Variants in SCHIP1 observed in about 807,000 individuals in gnomAD.
SCHIP1 encodes schwannomin-interacting protein 1.
SCHIP1 carries 8 observed loss-of-function variants against 29.7 expected under a neutral mutation model. That is an observed-to-expected ratio of 0.27 (90% CI 0.16 to 0.49). The LOEUF is 0.49. SCHIP1 is among the 20% of genes least tolerant of loss of function. SCHIP1 has a pLI of 0.99. For synonymous variants in SCHIP1, 76 were observed against 94.9 expected (o/e 0.80, Z 1.16); for missense variants, 193 against 294.6 (o/e 0.66, Z 2.52).
the SCHIP1 span, among the ~76,000 whole-genome samples, chr3:159,319,951 C>T: frequency 6.6e-6 from 1 of 152,112 alleles, no homozygotes. Flanking sequence ...TTGCTTGGTG[C>T]TATGCTCAAA....
At chr3:159,374,077 G>A in the SCHIP1 span, among the ~76,000 whole-genome samples, 1 of 151,976 alleles carries the variant, frequency 6.6e-6, no homozygotes, top group African/African-American at 2.4e-5. Flanking sequence ...AAATATCACG[G>A]ATCCATGAAT....
the SCHIP1 span, among the ~76,000 whole-genome samples, chr3:159,687,977 C>A: frequency 6.6e-6 from 1 of 152,340 alleles, no homozygotes; most frequent in East Asian, 1.9e-4. Context: ...ATATGTGCCA[C>A]ATTTTCTTTA....
chr3:159,825,223 T>C, the SCHIP1 span, among the ~76,000 whole-genome samples: 17 of 152,198 alleles, frequency 1.1e-4, no homozygotes, highest in Non-Finnish European at 2.4e-4. Flanking sequence ...TCTTAACTAA[T>C]TTTTATTAAA....
the SCHIP1 span, among the ~76,000 whole-genome samples, chr3:159,780,449 G>A: frequency 3.3e-5 from 5 of 152,190 alleles, no homozygotes; most frequent in Admixed American, 3.3e-4. Context: ...TTCAAACCAT[G>A]ACAGTTGAAG....
the SCHIP1 span, among the ~76,000 whole-genome samples, chr3:159,374,542 A>G: frequency 6.6e-6 from 1 of 152,178 alleles, no homozygotes; most frequent in Non-Finnish European, 1.5e-5. Flanking sequence ...TAAGGTTATT[A>G]GTCATACTGT....
chr3:159,452,889 A>G, the SCHIP1 span, among the ~76,000 whole-genome samples: 1 of 152,238 alleles, frequency 6.6e-6, no homozygotes, highest in East Asian at 1.9e-4. Flanking sequence ...TTTTAAATGC[A>G]AAAAGAAAGT....
chr3:159,803,905 T>C, the SCHIP1 span, among the ~76,000 whole-genome samples: 1 of 147,516 alleles, frequency 6.8e-6, no homozygotes, highest in African/African-American at 2.6e-5. Flanking sequence ...CCATTCCCAT[T>C]TTACAGATTT....
chr3:159,799,165 C>T, the SCHIP1 span, among the ~76,000 whole-genome samples: 8 of 152,180 alleles, frequency 5.3e-5, no homozygotes, highest in Non-Finnish European at 1.2e-4. Flanking sequence ...TTGCAAATTT[C>T]GTCTCCTCAG....
chr3:159,701,605 G>T, the SCHIP1 span, among the ~76,000 whole-genome samples: 1 of 151,726 alleles, frequency 6.6e-6, no homozygotes, highest in Non-Finnish European at 1.5e-5. Context: ...TCTGTATACT[G>T]GTTCTATATA....
the SCHIP1 span, among the ~76,000 whole-genome samples, chr3:159,555,635 A>G: frequency 6.6e-6 from 1 of 152,196 alleles, no homozygotes; most frequent in South Asian, 2.1e-4. Context: ...GTCAGGTATG[A>G]TTTTTTAAAT....
the SCHIP1 span, among the ~76,000 whole-genome samples, chr3:159,572,090 T>C: frequency 6.6e-6 from 1 of 151,986 alleles, no homozygotes; most frequent in Non-Finnish European, 1.5e-5. Flanking sequence ...CCTGGATTGA[T>C]TTTTTTGAAG....
At chr3:159,420,432 T>G in the SCHIP1 span, among the ~76,000 whole-genome samples, 1 of 152,138 alleles carries the variant, frequency 6.6e-6, no homozygotes, top group Non-Finnish European at 1.5e-5. Context: ...GTTCACCAGG[T>G]GAAGGGAATA....
At chr3:159,432,212 C>G in the SCHIP1 span, among the ~76,000 whole-genome samples, 1 of 151,630 alleles carries the variant, frequency 6.6e-6, no homozygotes, top group Non-Finnish European at 1.5e-5. Context: ...GCCTTAGGAA[C>G]TCTGCATGGA....
At chr3:159,717,693 C>A in the SCHIP1 span, among the ~76,000 whole-genome samples, 1 of 152,138 alleles carries the variant, frequency 6.6e-6, no homozygotes, top group Non-Finnish European at 1.5e-5. Flanking sequence ...GAAGTTGAAT[C>A]CCTGAATAGA....
chr3:159,425,420 C>A, the SCHIP1 span, among the ~76,000 whole-genome samples: 311 of 151,412 alleles, frequency 2.1e-3, no homozygotes, highest in African/African-American at 6.9e-3. Flanking sequence ...GACTTTAAAC[C>A]AACAAAGATC....
At chr3:159,411,603 ACT>A in the SCHIP1 span, among the ~76,000 whole-genome samples, 1 of 152,102 alleles carries the variant, frequency 6.6e-6, no homozygotes, top group Non-Finnish European at 1.5e-5. Context: ...TTCATAATGA[ACT>A]CTTAATTCTT....
chr3:159,748,561 C>T, the SCHIP1 span, among the ~76,000 whole-genome samples: 47 of 152,232 alleles, frequency 3.1e-4, no homozygotes, highest in Non-Finnish European at 6.2e-4. Flanking sequence ...CTGCCACCCT[C>T]CTTCACTGTG....
chr3:159,453,996 T>A, the SCHIP1 span, among the ~76,000 whole-genome samples: 114 of 152,340 alleles, frequency 7.5e-4, no homozygotes, highest in Non-Finnish European at 1.5e-3. Context: ...AGCTAGGCCA[T>A]GAATTTTCAG....
chr3:159,457,013 T>A, the SCHIP1 span, among the ~76,000 whole-genome samples: 2 of 152,322 alleles, frequency 1.3e-5, no homozygotes, highest in East Asian at 3.9e-4. Context: ...ACCCTTACTA[T>A]AATTATAATT....
Sources: allele counts gnomAD v4.1 joint callset (sites outside exome capture counted in the v4.1 genomes callset), GRCh38; gene constraint gnomAD v4.1.1; transcripts MANE v1.5; gene names NCBI Gene and HGNC (gene_info 2026-07-23, HGNC 2026-07-21).